TEK: variants seen among roughly 807,000 people sequenced by gnomAD.
TEK encodes TEK receptor tyrosine kinase.
TEK carries 43 observed loss-of-function variants against 131.8 expected under a neutral mutation model. The ratio of observed to expected loss-of-function variants is 0.33; its 90% CI spans 0.26 to 0.42. The LOEUF (loss-of-function observed/expected upper bound fraction) is 0.42, where lower values mean the gene tolerates loss of function less well. TEK is among the 10% of genes least tolerant of loss of function. TEK has a pLI of 1.00. For missense variants in TEK, 1,162 were observed against 1,384.4 expected (o/e 0.84, Z 2.55); for synonymous variants, 580 against 491.6 (o/e 1.18, Z -2.38).
intron 12 of TEK, chr9:27,198,343 AG>A (rs911803909): frequency 7.2e-5 from 11 of 152,706 alleles, no homozygotes; most frequent in African/African-American, 2.4e-4. Flanking sequence ...GAAGCTAAGC[AG>A]GGTCAGGCCT....
At chr9:27,161,561 A>G (rs1823548357) in intron 2 of TEK, among the ~76,000 whole-genome samples, 1 of 152,248 alleles carries the variant, frequency 6.6e-6, no homozygotes, top group Non-Finnish European at 1.5e-5. Flanking sequence ...CTTCAGAGCC[A>G]GTATTTATTA....
intron 19 of TEK, among the ~76,000 whole-genome samples, chr9:27,218,390 C>G (rs1483137723): frequency 1.3e-5 from 2 of 152,000 alleles, no homozygotes; most frequent in African/African-American, 2.4e-5. Context: ...GGATTATTGT[C>G]CCCACTTTTG....
chr9:27,136,202 C>T (rs972735443), intron 1 of TEK, among the ~76,000 whole-genome samples: 5 of 151,896 alleles, frequency 3.3e-5, no homozygotes, highest in African/African-American at 1.2e-4. Flanking sequence ...CTGCCTCAGC[C>T]TCCCGAGTAG....
intron 21 of TEK, 44 bp downstream of exon 21, chr9:27,220,189 C>A: frequency 6.3e-7 from 1 of 1,598,048 alleles, no homozygotes; most frequent in Non-Finnish European, 8.6e-7. Context: ...TTACCTTCCC[C>A]CTGTGTGTTT....
At chr9:27,209,944 T>C (rs1398978069) in intron 16 of TEK, among the ~76,000 whole-genome samples, 1 of 152,234 alleles carries the variant, frequency 6.6e-6, no homozygotes, top group Non-Finnish European at 1.5e-5. Context: ...GAATCTCTGC[T>C]TAAACTTCAC....
At chr9:27,161,145 C>G (rs1164246812) in intron 2 of TEK, among the ~76,000 whole-genome samples, 2 of 152,260 alleles carry the variant, frequency 1.3e-5, no homozygotes, top group Middle Eastern at 3.4e-3. Flanking sequence ...AATGATCCCC[C>G]CAAACTGAGA....
intron 2 of TEK, among the ~76,000 whole-genome samples, chr9:27,163,067 T>C (rs571949738): frequency 6.6e-6 from 1 of 152,250 alleles, no homozygotes; most frequent in East Asian, 1.9e-4. Context: ...TGAATACTTG[T>C]ATGCCTGACA....
chr9:27,185,376 ATC>A, intron 8 of TEK, 107 bp from the exon 9 acceptor site: 2 of 1,346,792 alleles, frequency 1.5e-6, no homozygotes, highest in Non-Finnish European at 2.1e-6. Context: ...TAGCTTCTTG[ATC>A]TCTCCTAGGA....
chr9:27,212,307 C>T (rs995960926), intron 16 of TEK, among the ~76,000 whole-genome samples: 3 of 152,096 alleles, frequency 2.0e-5, no homozygotes, highest in Admixed American at 6.6e-5. Flanking sequence ...GAATAACATG[C>T]CTGGCTCATG....
intron 1 of TEK, among the ~76,000 whole-genome samples, chr9:27,129,350 G>C (rs1188846755): frequency 6.6e-6 from 1 of 152,118 alleles, no homozygotes; most frequent in Non-Finnish European, 1.5e-5. Flanking sequence ...CTTAATACAT[G>C]CACAAGTAGA....
At chr9:27,223,977 A>G (rs932416103) in intron 21 of TEK, among the ~76,000 whole-genome samples, 1 of 152,244 alleles carries the variant, frequency 6.6e-6, no homozygotes, top group Admixed American at 6.5e-5. Flanking sequence ...AGAATACTAT[A>G]AACACCTCTA....
rs72719061 is a variant in TEK at position 27,218,910 on chromosome 9, G to A, written c.3103+93G>A. ...TTGCTGCATAATTCCACAGGATGCC[G>A]TTTGTATGTGGTTCTACCAGATGTG... is the stretch of plus-strand genomic sequence containing the variant. On this transcript the variant is annotated intron_variant, in intron 20 of 22. Coordinates refer to ENST00000380036, the MANE Select transcript of TEK (RefSeq NM_000459.5). The A allele has an allele frequency of 1.6e-3, 1,958 of 1,208,166 alleles. 1 individual carries two copies. Among genetic ancestry groups the A allele is most frequent in the Non-Finnish European group, 2.1e-3 (1,669 of 812,580 alleles). 74.8% of individuals were successfully genotyped at this position (1,208,166 alleles called of 1,614,324 possible). A position where few individuals can be genotyped will look rare whatever the true frequency, so the allele number is the denominator to read the frequency against.
intron 1 of TEK, among the ~76,000 whole-genome samples, chr9:27,112,014 C>T (rs980412920): frequency 2.0e-5 from 3 of 151,708 alleles, no homozygotes; most frequent in African/African-American, 7.3e-5. Context: ...TTCTGTGCCT[C>T]AGCCTCTCGA....
chr9:27,174,494 G>T (rs1169997341), intron 6 of TEK, among the ~76,000 whole-genome samples: 1 of 152,116 alleles, frequency 6.6e-6, no homozygotes, highest in Non-Finnish European at 1.5e-5. Context: ...GTAATCAATA[G>T]AAAAAAGTAT....
At chr9:27,114,219 C>T (rs959461252) in intron 1 of TEK, among the ~76,000 whole-genome samples, 15 of 152,210 alleles carry the variant, frequency 9.9e-5, no homozygotes, top group Non-Finnish European at 2.2e-4. Flanking sequence ...TGGTACTTCA[C>T]AGCGGAGCTG....
rs745574100 is a variant in TEK at position 27,217,682 on chromosome 9, C to T, written c.2992-6C>T. 1.2e-6 allele frequency: 2 copies of T among 1,613,442 alleles called. No individual in the cohort carries two copies. Among genetic ancestry groups the T allele is most frequent in the African/African-American group, 1.3e-5 (1 of 74,914 alleles). On this transcript the variant is annotated splice_region_variant and splice_polypyrimidine_tract_variant and intron_variant, in intron 18 of 22. Transcript: ENST00000380036. ...GTTAAGTGAAATCTCACTTTGTTCTCTCCAGGGAAGGCTCCCAGTGCGCTG... is the reference window on the plus strand; with the variant it reads ...GTTAAGTGAAATCTCACTTTGTTCTTTCCAGGGAAGGCTCCCAGTGCGCTG...
At chr9:27,176,503 A>G (rs1824178577) in intron 6 of TEK, among the ~76,000 whole-genome samples, 1 of 152,228 alleles carries the variant, frequency 6.6e-6, no homozygotes, top group African/African-American at 2.4e-5. Flanking sequence ...CCTTTCTACC[A>G]TCTGCTTTGA....
Position 27,112,243 on chromosome 9 carries a change from G to C in TEK, c.52+2601G>C, listed in dbSNP as rs140501349. ...ATAACAACTGGATTCAGAGATAGCA[G>C]ACATCTTGTCTGGGGTGGCAGAGGA... On this transcript the variant is annotated intron_variant, in intron 1 of 22. Coordinates refer to ENST00000380036, the MANE Select transcript of TEK (RefSeq NM_000459.5). Among the ~76,000 whole-genome samples, 621 of 152,282 alleles carry C rather than the reference G, an allele frequency of 4.1e-3. 3 individuals carry two copies. The highest frequency in any genetic ancestry group is 0.014 in the African/African-American group (594 of 41,556).
chr9:27,132,085 C>CT (rs1209518877), intron 1 of TEK, among the ~76,000 whole-genome samples: 1,443 of 135,802 alleles, frequency 0.011, 14 homozygotes, highest in African/African-American at 0.02. Flanking sequence ...TATTTTTATT[C>CT]TTTTTTTTTT....
Sources: gnomAD v4.1 joint callset for allele counts (sites outside exome capture counted in the v4.1 genomes callset) on GRCh38, gnomAD v4.1.1 for gene constraint, MANE v1.5 for transcripts, NCBI Gene and HGNC (gene_info 2026-07-23, HGNC 2026-07-21) for gene names.